LAMC1: variants seen among roughly 807,000 people sequenced by gnomAD.
The protein encoded by LAMC1 is laminin subunit gamma 1.
In LAMC1, 38 loss-of-function variants were observed where a neutral mutation model predicts 173.6. That is an observed-to-expected ratio of 0.22 (90% CI 0.17 to 0.29). The LOEUF (loss-of-function observed/expected upper bound fraction) is 0.29, where lower values mean the gene tolerates loss of function less well. LAMC1 is among the 10% of genes least tolerant of loss of function. LAMC1 has a pLI of 1.00. For synonymous variants in LAMC1, 746 were observed against 749.1 expected, an observed-to-expected ratio of 1.00 and a Z score of 0.07; for missense variants, 1,824 against 2,051.8, an observed-to-expected ratio of 0.89 and a Z score of 2.14.
chr1:183,081,679 C>G (rs1200864797), intron 1 of LAMC1, among the ~76,000 whole-genome samples: 1 of 152,104 alleles, frequency 6.6e-6, no homozygotes, highest in Non-Finnish European at 1.5e-5. Flanking sequence ...CTTCCTGGAT[C>G]ACCACACACA....
At chr1:183,051,704 A>T (rs1054353327) in intron 1 of LAMC1, among the ~76,000 whole-genome samples, 16 of 152,190 alleles carry the variant, frequency 1.1e-4, no homozygotes, top group Admixed American at 9.8e-4. Flanking sequence ...GAACCTGTAG[A>T]CACCCAGAGG....
intron 1 of LAMC1, among the ~76,000 whole-genome samples, chr1:183,029,467 ATT>A (rs1158582272): frequency 1.3e-5 from 2 of 152,194 alleles, no homozygotes; most frequent in Admixed American, 6.5e-5. Context: ...GCAGCTAAAA[ATT>A]CTGCAGTGGT....
At chr1:183,078,219 C>T (rs1338630119) in intron 1 of LAMC1, among the ~76,000 whole-genome samples, 1 of 152,040 alleles carries the variant, frequency 6.6e-6, no homozygotes, top group African/African-American at 2.4e-5. Context: ...GCTTAAGGCC[C>T]AAAGCTCAGT....
intron 1 of LAMC1, among the ~76,000 whole-genome samples, chr1:183,055,247 C>T (rs979967513): frequency 3.9e-5 from 6 of 151,908 alleles, no homozygotes; most frequent in African/African-American, 1.5e-4. Flanking sequence ...GCCTTGGCCT[C>T]CGGAAGTGCT....
At chr1:183,123,974 G>A (rs1656550762) in intron 13 of LAMC1, among the ~76,000 whole-genome samples, 1 of 152,212 alleles carries the variant, frequency 6.6e-6, no homozygotes, top group Non-Finnish European at 1.5e-5. Context: ...GAAGGATGAG[G>A]AGCAGTGAGT....
At chr1:183,108,219 A>G in intron 2 of LAMC1, 57 bp from the exon 3 acceptor site, 6 of 1,533,890 alleles carry the variant, frequency 3.9e-6, no homozygotes, top group Admixed American at 3.4e-5. Flanking sequence ...TGTCACATTT[A>G]TATCATTTTC....
At chr1:183,024,417 G>T (rs1166473377) in intron 1 of LAMC1, among the ~76,000 whole-genome samples, 5 of 152,210 alleles carry the variant, frequency 3.3e-5, no homozygotes, top group African/African-American at 1.2e-4. Context: ...CGGCTGTTAG[G>T]ATTGTGATTT....
chr1:183,116,792 G>A lies in LAMC1; in HGVS notation c.1453G>A (p.Glu485Lys). ...ERCKPGFFNL[E>K]SSNPRGCTPC... ...ATGCAAACCTGGATTTTTTAATCTG[G>A]AATCATCTAATCCTCGGGGTTGCAC... Residue 485 changes from glutamate to lysine, a missense_variant, in exon 8 of 28, where the codon GAA becomes AAA. Transcript: ENST00000258341. 1 of 1,613,986 alleles carries A rather than the reference G, an allele frequency of 6.2e-7. No homozygotes were observed. The highest frequency in any genetic ancestry group is 8.5e-7 in the Non-Finnish European group (1 of 1,179,942).
Position 183,145,467 on chromosome 1 carries a change from T to C in LAMC1, c.*2677T>C, listed in dbSNP as rs1170771478. 6.6e-6 allele frequency: 1 copy of C among 152,582 alleles called. No homozygotes were observed. The highest frequency in any genetic ancestry group is 1.5e-5 in the Non-Finnish European group (1 of 68,028). 9.5% of individuals were successfully genotyped at this position (152,582 alleles called of 1,614,324 possible). A position where few individuals can be genotyped will look rare whatever the true frequency, so the allele number is the denominator to read the frequency against. On this transcript the variant is annotated 3_prime_UTR_variant, in exon 28 of 28. Transcript: ENST00000258341. ...CTTTTATATGTGCCTTCACTTTAGC[T>C]GTTTGCCTTAATCTCTACAGCCTTG...
At chr1:183,092,129 TAAAG>T (rs1315505058) in intron 1 of LAMC1, among the ~76,000 whole-genome samples, 1 of 152,170 alleles carries the variant, frequency 6.6e-6, no homozygotes. Context: ...GTGTGTGTCT[TAAAG>T]AAGACTGCTA....
intron 1 of LAMC1, among the ~76,000 whole-genome samples, chr1:183,036,867 C>T (rs1653998343): frequency 6.6e-6 from 1 of 152,162 alleles, no homozygotes; most frequent in Non-Finnish European, 1.5e-5. Context: ...CCTCTACCTC[C>T]TGGGTTCAAG....
chr1:183,049,250 A>G (rs1256344086), intron 1 of LAMC1, among the ~76,000 whole-genome samples: 1 of 152,186 alleles, frequency 6.6e-6, no homozygotes, highest in East Asian at 1.9e-4. Flanking sequence ...CCAGGTGTAG[A>G]GAAGACATAC....
At position 183,110,587 on chromosome 1, in the gene LAMC1, G is replaced by A; in HGVS notation, c.954G>A (p.Lys318=). The A allele has an allele frequency of 6.2e-7, 1 of 1,614,114 alleles. No homozygotes were observed. Among genetic ancestry groups the A allele is most frequent in the Non-Finnish European group, 8.5e-7 (1 of 1,179,974 alleles). ...ACACATATGGAGTAGACTGTGAAAAGTGTCTTCCTTTCTTCAATGACCGGC... is the reference window on the plus strand; with the variant it reads ...ACACATATGGAGTAGACTGTGAAAAATGTCTTCCTTTCTTCAATGACCGGC... ...KHNTYGVDCE[K]CLPFFNDRPW... Residue 318 remains lysine (K), a synonymous_variant, in exon 4 of 28, where the codon AAG becomes AAA. Coordinates refer to ENST00000258341, the MANE Select transcript of LAMC1 (RefSeq NM_002293.4).
chr1:183,034,412 A>G (rs1038216464), intron 1 of LAMC1, among the ~76,000 whole-genome samples: 1 of 152,132 alleles, frequency 6.6e-6, no homozygotes, highest in African/African-American at 2.4e-5. Flanking sequence ...CTGGGACTCT[A>G]CAGGTGCATG....
chr1:183,038,336 T>C (rs551658278), intron 1 of LAMC1, among the ~76,000 whole-genome samples: 11 of 152,326 alleles, frequency 7.2e-5, no homozygotes, highest in African/African-American at 2.6e-4. Context: ...CCACAGATGA[T>C]TTTTAAATGC....
intron 1 of LAMC1, among the ~76,000 whole-genome samples, chr1:183,050,534 G>A (rs1398413859): frequency 6.9e-6 from 1 of 143,990 alleles, no homozygotes; most frequent in Admixed American, 6.8e-5. Context: ...TGCCCGCCTC[G>A]GCCTCCCAAA....
chr1:183,127,152 G>GT (rs780316926), intron 16 of LAMC1, 74 bp from the exon 17 acceptor site: 37 of 1,408,374 alleles, frequency 2.6e-5, no homozygotes, highest in Non-Finnish European at 3.4e-5. Context: ...TCAGCTTATT[G>GT]TTATCAGTCT....
intron 13 of LAMC1, among the ~76,000 whole-genome samples, chr1:183,124,047 A>G (rs1337787290): frequency 6.6e-6 from 1 of 152,222 alleles, no homozygotes; most frequent in Admixed American, 6.5e-5. Context: ...CTTTGGTTGC[A>G]GGCAAATTAC....
At chr1:183,123,918 T>A (rs1014136236) in intron 13 of LAMC1, among the ~76,000 whole-genome samples, 23 of 152,308 alleles carry the variant, frequency 1.5e-4, no homozygotes, top group African/African-American at 5.5e-4. Context: ...GTTACAAAGA[T>A]ATCACGAGCC....
Sources: allele counts gnomAD v4.1 joint callset (sites outside exome capture counted in the v4.1 genomes callset), GRCh38; gene constraint gnomAD v4.1.1; transcripts MANE v1.5; gene names NCBI Gene and HGNC (gene_info 2026-07-23, HGNC 2026-07-21).